Variants in TRHDE observed in about 807,000 individuals in gnomAD.
TRHDE encodes the protein thyrotropin releasing hormone degrading enzyme.
A neutral mutation model predicts 125.7 loss-of-function variants in TRHDE; 72 were observed. That is an observed-to-expected ratio of 0.57 (90% CI 0.47 to 0.70). The LOEUF (loss-of-function observed/expected upper bound fraction) is 0.70, where lower values mean the gene tolerates loss of function less well. Among genes scored for constraint, TRHDE ranks in the 30% least tolerant of loss-of-function variants. TRHDE has a pLI of 0.00. For missense variants in TRHDE, 1,110 were observed against 1,327.1 expected, an observed-to-expected ratio of 0.84 and a Z score of 2.54; for synonymous variants, 509 against 509.1, an observed-to-expected ratio of 1.00 and a Z score of 0.00.
chr12:72,557,263 T>A (rs1319834252), intron 7 of TRHDE, among the ~76,000 whole-genome samples: 1 of 152,176 alleles, frequency 6.6e-6, no homozygotes, highest in Non-Finnish European at 1.5e-5. Context: ...CAATGTCACA[T>A]CTGAATATGA....
chr12:72,332,124 G>A (rs1486002437), intron 2 of TRHDE, among the ~76,000 whole-genome samples: 1 of 147,788 alleles, frequency 6.8e-6, no homozygotes, highest in Non-Finnish European at 1.5e-5. Flanking sequence ...GGGCAAGAGA[G>A]CCAAGGGGGA....
At chr12:72,614,726 A>G (rs1399488853) in intron 12 of TRHDE, among the ~76,000 whole-genome samples, 1 of 152,138 alleles carries the variant, frequency 6.6e-6, no homozygotes, top group East Asian at 1.9e-4. Flanking sequence ...CAACCCCAGA[A>G]ATCAATTGCC....
chr12:72,517,388 G>C (rs1312002002), intron 6 of TRHDE, among the ~76,000 whole-genome samples: 2 of 152,012 alleles, frequency 1.3e-5, no homozygotes, highest in Admixed American at 6.6e-5. Context: ...TGCATGTGTC[G>C]AGGAATTTAT....
intron 2 of TRHDE, among the ~76,000 whole-genome samples, chr12:72,304,361 A>G (rs1272074409): frequency 6.6e-6 from 1 of 152,186 alleles, no homozygotes; most frequent in African/African-American, 2.4e-5. Context: ...GGGAACAGCT[A>G]CAGAGGGAGC....
At chr12:72,659,094 A>G (rs1874816618) in intron 18 of TRHDE, among the ~76,000 whole-genome samples, 1 of 152,182 alleles carries the variant, frequency 6.6e-6, no homozygotes, top group Non-Finnish European at 1.5e-5. Context: ...ATAGATCAAA[A>G]GGGAATCAGC....
At chr12:72,505,976 A>G (rs1878340075) in intron 6 of TRHDE, among the ~76,000 whole-genome samples, 1 of 152,112 alleles carries the variant, frequency 6.6e-6, no homozygotes, top group African/African-American at 2.4e-5. Context: ...TATTTCTGCA[A>G]GGGGGAAAAA....
chr12:72,556,102 T>C (rs1332958995), intron 7 of TRHDE, among the ~76,000 whole-genome samples: 1 of 152,220 alleles, frequency 6.6e-6, no homozygotes, highest in Non-Finnish European at 1.5e-5. Context: ...TCACGCCATA[T>C]CTACTGTTCA....
intron 4 of TRHDE, 86 bp from the exon 5 acceptor site, chr12:72,472,981 T>C: frequency 1.9e-6 from 2 of 1,037,980 alleles, no homozygotes; most frequent in Non-Finnish European, 2.9e-6. Context: ...GTTATAATAA[T>C]CATAGTTTAA....
intron 2 of TRHDE, among the ~76,000 whole-genome samples, chr12:72,207,632 A>T (rs769728107): frequency 1.3e-5 from 2 of 152,228 alleles, no homozygotes; most frequent in Non-Finnish European, 2.9e-5. Flanking sequence ...TTAGCAGAAT[A>T]TGTCAGCAGC....
intron 2 of TRHDE, among the ~76,000 whole-genome samples, chr12:72,135,585 T>A (rs1875966160): frequency 6.6e-6 from 1 of 151,584 alleles, no homozygotes; most frequent in Admixed American, 6.6e-5. Context: ...TATTTTTAAA[T>A]AAAAGGACTA....
At chr12:72,529,179 T>G (rs1327313958) in intron 6 of TRHDE, among the ~76,000 whole-genome samples, 1 of 152,106 alleles carries the variant, frequency 6.6e-6, no homozygotes, top group Admixed American at 6.6e-5. Context: ...TTATATAAAA[T>G]ATGACTGAAC....
At chr12:72,527,800 G>T (rs1314956684) in intron 6 of TRHDE, among the ~76,000 whole-genome samples, 1 of 151,918 alleles carries the variant, frequency 6.6e-6, no homozygotes, top group Non-Finnish European at 1.5e-5. Flanking sequence ...TATTAGAAAA[G>T]AAAAACTAGA....
intron 3 of TRHDE, among the ~76,000 whole-genome samples, chr12:72,397,719 T>TGA (rs770381650): frequency 7.3e-5 from 11 of 150,742 alleles, no homozygotes; most frequent in East Asian, 1.9e-4. Flanking sequence ...TGCTACTTTC[T>TGA]GAGAGAGAGA....
At chr12:72,103,984 T>A (rs1875125553) in intron 1 of TRHDE, among the ~76,000 whole-genome samples, 1 of 152,140 alleles carries the variant, frequency 6.6e-6, no homozygotes, top group East Asian at 1.9e-4. Flanking sequence ...TGAAGAGGCA[T>A]AGGGAGGTGG....
intron 7 of TRHDE, among the ~76,000 whole-genome samples, chr12:72,555,975 T>C (rs1869901320): frequency 1.3e-5 from 2 of 152,208 alleles, no homozygotes; most frequent in East Asian, 1.9e-4. Context: ...GTTTTTGTTG[T>C]TGTCACTCTG....
intron 2 of TRHDE, among the ~76,000 whole-genome samples, chr12:72,374,292 A>AGGGT (rs375776329): frequency 3.0e-3 from 404 of 134,100 alleles, no homozygotes; most frequent in African/African-American, 0.011. Flanking sequence ...TAGAAGGAGA[A>AGGGT]GTGTGTGTGT....
rs1490098344 is a variant in TRHDE at position 72,272,996 on chromosome 12, C to A, written c.353C>A (p.Thr118Lys). The change falls in exon 1 of 19, where the codon ACG becomes AAG. Residue 118 changes from threonine (T) to lysine (K), a missense_variant. Thr to Lys is a moderately conservative substitution (Grantham distance 78, BLOSUM62 -1). Around this residue, in one of 5 missense-constraint regions of TRHDE, gnomAD observed 248 missense variants for 240.8 expected, o/e 1.03. Transcript: ENST00000261180. The surrounding 1 kb of genome is among the most constrained non-coding windows in gnomAD (Gnocchi z 6.7). ...LRFDECGASA[T>K]PGADGGPSGF... ...TTCGACGAGTGCGGGGCGAGTGCCA[C>A]GCCAGGCGCCGACGGTGGCCCCTCA... The A allele has an allele frequency of 1.3e-6, 2 of 1,547,758 alleles. No homozygotes were observed. Among genetic ancestry groups the A allele is most frequent in the South Asian group, 1.2e-5 (1 of 85,052 alleles).
intron 2 of TRHDE, among the ~76,000 whole-genome samples, chr12:72,147,214 G>A (rs908864167): frequency 1.3e-5 from 2 of 152,040 alleles, no homozygotes; most frequent in African/African-American, 4.8e-5. Flanking sequence ...ATGCTTGAGG[G>A]TGGGGGGCCT....
At chr12:72,102,007 T>C (rs1459915848) in intron 1 of TRHDE, among the ~76,000 whole-genome samples, 2 of 152,228 alleles carry the variant, frequency 1.3e-5, no homozygotes, top group Admixed American at 1.3e-4. Context: ...ATTCTTTCTT[T>C]TTGCCTCTTC....
Sources: gnomAD v4.1 joint callset for allele counts (sites outside exome capture counted in the v4.1 genomes callset) on GRCh38, gnomAD v4.1.1 for gene constraint, gnomAD v4.1.1 regional missense constraint, Gnocchi (gnomAD v3.1) non-coding constraint, MANE v1.5 for transcripts, NCBI Gene and HGNC (gene_info 2026-07-23, HGNC 2026-07-21) for gene names.